The following ANO1 variants were observed in gnomAD, a reference collection of about 807,000 sequenced individuals.
ANO1 encodes anoctamin 1.
Under a neutral mutation model 124.0 loss-of-function variants are expected in ANO1, and 59 were observed. That is an observed-to-expected ratio of 0.48 (90% CI 0.39 to 0.59). The LOEUF is 0.59. Ranked by LOEUF, ANO1 falls within the 20% of genes least tolerant of loss-of-function variation. ANO1 has a pLI of 0.00. For missense variants in ANO1, 1,059 were observed against 1,328.0 expected (o/e 0.80, Z 3.15); for synonymous variants, 529 against 532.0 (o/e 0.99, Z 0.08).
At chr11:70,056,855 T>C (rs539357676) in intron 1 of ANO1, among the ~76,000 whole-genome samples, 3 of 149,998 alleles carry the variant, frequency 2.0e-5, no homozygotes, top group Admixed American at 6.7e-5. Flanking sequence ...TTTCCTGTGC[T>C]TCAATTTCAA....
chr11:70,069,929 A>G lies in ANO1; in HGVS notation c.59-8613A>G, dbSNP rs575468747. ...GGGATGAGTTGTCGTATGTGTATGC[A>G]TGCAAGGATGTGCATGCATGTACTT... On this transcript the variant is annotated intron_variant, in intron 1 of 27. Coordinates refer to the ANO1 transcript ENST00000531349. Among the ~76,000 whole-genome samples, 5 of 150,050 alleles carry G rather than the reference A, an allele frequency of 3.3e-5. No individual in the cohort carries two copies. The East Asian group carries it at 9.7e-4, about 29-fold the overall frequency.
intron 11 of ANO1, 166 bp from the exon 12 acceptor site, chr11:70,149,544 G>C: frequency 3.2e-6 from 2 of 631,076 alleles, no homozygotes; most frequent in Non-Finnish European, 5.4e-6. Flanking sequence ...CCAGCTACTC[G>C]GGAGGCTGAG....
chr11:70,027,171 T>C (rs1856922493), intron 1 of ANO1, among the ~76,000 whole-genome samples: 1 of 152,204 alleles, frequency 6.6e-6, no homozygotes, highest in Non-Finnish European at 1.5e-5. Flanking sequence ...TTTTAACTTA[T>C]GATGGGGTTA....
chr11:70,063,078 T>TGC, intron 1 of ANO1, among the ~76,000 whole-genome samples: 1 of 152,038 alleles, frequency 6.6e-6, no homozygotes, highest in Non-Finnish European at 1.5e-5. Context: ...TACAGGCACA[T>TGC]GCCACCACGC....
intron 1 of ANO1, among the ~76,000 whole-genome samples, chr11:70,063,020 C>G (rs1555007991): frequency 6.6e-6 from 1 of 152,106 alleles, no homozygotes; most frequent in Non-Finnish European, 1.5e-5. Context: ...ACCTCTGCCT[C>G]CCGGGTTCAA....
At chr11:69,987,018 T>C (rs1321170614) in intron 1 of ANO1, among the ~76,000 whole-genome samples, 3 of 151,938 alleles carry the variant, frequency 2.0e-5, no homozygotes, top group Admixed American at 6.6e-5. Flanking sequence ...CTTTTATTCT[T>C]CCCCCCTCCC....
chr11:70,073,941 G>A (rs548095174), upstream of ANO1, among the ~76,000 whole-genome samples: 429 of 149,894 alleles, frequency 2.9e-3, 2 homozygotes, highest in Middle Eastern at 6.9e-3. Context: ...GTCAAGCTGC[G>A]GTTGGCCGGC....
chr11:69,968,091 C>G, the ANO1 span, among the ~76,000 whole-genome samples: 1 of 152,192 alleles, frequency 6.6e-6, no homozygotes, highest in Admixed American at 6.5e-5. Flanking sequence ...CAGCCCCATC[C>G]TTCATCCCAA....
chr11:70,182,694 T>C lies in ANO1; in HGVS notation c.2588+8T>C. On this transcript the variant is annotated splice_region_variant and intron_variant, in intron 24 of 25. Coordinates refer to ENST00000355303, the MANE Select transcript of ANO1 (RefSeq NM_018043.7). ...CGAGGTGCAGATCTGCAGGTACTGC[T>C]CTCTGCTCCCCTCTTTGAAAAGCCA... 1 of 1,544,176 alleles carries C rather than the reference T, an allele frequency of 6.5e-7. No individual in the cohort carries two copies. The highest frequency in any genetic ancestry group is 2.0e-5 in the Admixed American group (1 of 50,714).
intron 24 of ANO1, among the ~76,000 whole-genome samples, 176 bp from the exon 25 acceptor site, chr11:70,185,414 A>C: frequency 6.6e-6 from 1 of 152,086 alleles, no homozygotes; most frequent in East Asian, 1.9e-4. Flanking sequence ...TCCACTGTGG[A>C]GAGAGACTCC....
At chr11:70,067,351 G>C (rs549782814) in intron 1 of ANO1, among the ~76,000 whole-genome samples, 2 of 144,554 alleles carry the variant, frequency 1.4e-5, no homozygotes, top group South Asian at 4.5e-4. Context: ...TTTTTGAGAC[G>C]GAGTCTCCCT....
intron 1 of ANO1, among the ~76,000 whole-genome samples, chr11:69,989,703 G>C (rs57331659): frequency 0.14 from 21,718 of 152,118 alleles, 1,644 homozygotes; most frequent in African/African-American, 0.17. Flanking sequence ...CAGAGAAAAG[G>C]CTGATGGGCC....
intron 2 of ANO1, among the ~76,000 whole-genome samples, chr11:70,095,993 CA>C (rs1361760703): frequency 6.6e-6 from 1 of 152,204 alleles, no homozygotes; most frequent in Non-Finnish European, 1.5e-5. Context: ...ACGAGTTAAG[CA>C]TAGCTGATTT....
intron 7 of ANO1, among the ~76,000 whole-genome samples, chr11:70,112,677 C>T (rs1307949718): frequency 2.0e-5 from 3 of 151,956 alleles, no homozygotes; most frequent in African/African-American, 7.3e-5. Flanking sequence ...CCAGCCTCAG[C>T]CTCCCAAGTA....
At chr11:70,091,828 C>T (rs2044637791) in intron 2 of ANO1, among the ~76,000 whole-genome samples, 1 of 152,228 alleles carries the variant, frequency 6.6e-6, no homozygotes, top group South Asian at 2.1e-4. Flanking sequence ...CCCGTGCGTG[C>T]CTCCTCACTG....
chr11:70,068,279 C>G (rs956996122), intron 1 of ANO1, among the ~76,000 whole-genome samples: 1 of 152,164 alleles, frequency 6.6e-6, no homozygotes, highest in African/African-American at 2.4e-5. Flanking sequence ...TTGGTTGAAT[C>G]GGGTAAAAAT....
intron 16 of ANO1, 144 bp downstream of exon 16, chr11:70,157,165 G>C (rs952508840): frequency 3.0e-6 from 2 of 669,632 alleles, no homozygotes; most frequent in Non-Finnish European, 5.0e-6. Context: ...TCAGGAGTTC[G>C]AGACCAGCCT....
intron 1 of ANO1, among the ~76,000 whole-genome samples, chr11:70,065,872 C>T (rs1857704223): frequency 6.6e-6 from 1 of 152,216 alleles, no homozygotes; most frequent in Non-Finnish European, 1.5e-5. Context: ...CCCGGAAGGG[C>T]CTTCCACGGC....
chr11:70,062,939 T>G (rs1857626236), intron 1 of ANO1, among the ~76,000 whole-genome samples: 1 of 152,146 alleles, frequency 6.6e-6, no homozygotes, highest in Admixed American at 6.5e-5. Context: ...GTTGTTGTTG[T>G]TGTTGTTTGA....
Sources: allele counts gnomAD v4.1 joint callset (sites outside exome capture counted in the v4.1 genomes callset), GRCh38; gene constraint gnomAD v4.1.1; transcripts MANE v1.5; gene names NCBI Gene and HGNC (gene_info 2026-07-23, HGNC 2026-07-21).